The following PCSK6 variants were observed in gnomAD, a reference collection of about 807,000 sequenced individuals.
PCSK6 encodes paired basic amino acid cleaving enzyme 4.
A neutral mutation model predicts 123.3 loss-of-function variants in PCSK6; 85 were observed. That is an observed-to-expected ratio of 0.69 (90% CI 0.58 to 0.83). PCSK6 has a LOEUF of 0.83. PCSK6 is among the 40% of genes least tolerant of loss of function. The probability of loss-of-function intolerance (pLI) is 0.00; values close to 1 mark genes in which losing one functional copy is unlikely to be tolerated. For synonymous variants in PCSK6, 508 were observed against 516.0 expected, an observed-to-expected ratio of 0.98 and a Z score of 0.21; for missense variants, 1,191 against 1,282.3, an observed-to-expected ratio of 0.93 and a Z score of 1.09.
At chr15:101,322,974 C>A (rs2040164109) in intron 17 of PCSK6, among the ~76,000 whole-genome samples, 1 of 152,200 alleles carries the variant, frequency 6.6e-6, no homozygotes, top group Non-Finnish European at 1.5e-5. Context: ...CCTGAGGCTG[C>A]CGCTTGCCCA....
In PCSK6 at chr15:101,304,396, T is replaced by A. The variant is rs970105813; in HGVS notation, c.*862A>T. Reference sequence around the variant, plus strand: ...ATTCCATAAAATGGGAAGTGATGGATGATTAACAATGCATGGCTGGCTTTA... The same window carrying A: ...ATTCCATAAAATGGGAAGTGATGGAAGATTAACAATGCATGGCTGGCTTTA... On this transcript the variant is annotated 3_prime_UTR_variant, in exon 22 of 22. Coordinates refer to ENST00000611716, the MANE Select transcript of PCSK6 (RefSeq NM_002570.5). 2 of 152,276 alleles carry A rather than the reference T, an allele frequency of 1.3e-5. No homozygotes were observed. The highest frequency in any genetic ancestry group is 2.9e-5 in the Non-Finnish European group (2 of 68,030). The allele number at this position is 152,276 out of a possible 1,614,324, so 9.4% of individuals were successfully genotyped here. A position where few individuals can be genotyped will look rare whatever the true frequency, so the allele number is the denominator to read the frequency against.
chr15:101,374,712 T>C (rs2141479843), intron 11 of PCSK6, among the ~76,000 whole-genome samples: 1 of 152,218 alleles, frequency 6.6e-6, no homozygotes, highest in East Asian at 1.9e-4. Context: ...CGGGAGTGAA[T>C]GGAATGGCAA....
chr15:101,350,542 C>G (rs182598312), intron 13 of PCSK6, among the ~76,000 whole-genome samples: 491 of 152,240 alleles, frequency 3.2e-3, no homozygotes, highest in Middle Eastern at 6.8e-3. Context: ...TACTGATTAG[C>G]AAGATTTAGT....
intron 16 of PCSK6, among the ~76,000 whole-genome samples, chr15:101,325,629 G>A (rs1596185120): frequency 2.0e-5 from 3 of 152,310 alleles, no homozygotes; most frequent in East Asian, 1.9e-4. Flanking sequence ...TGGCACATGC[G>A]GGGCATAATG....
intron 5 of PCSK6, among the ~76,000 whole-genome samples, chr15:101,428,276 G>A (rs778669740): frequency 1.4e-4 from 21 of 152,198 alleles, no homozygotes; most frequent in African/African-American, 4.3e-4. Context: ...CCCAGTGCCC[G>A]TGGTCCTATA....
chr15:101,352,460 G>A (rs2040918471), intron 13 of PCSK6, among the ~76,000 whole-genome samples: 1 of 152,144 alleles, frequency 6.6e-6, no homozygotes, highest in Non-Finnish European at 1.5e-5. Context: ...TTTTCTGCCA[G>A]ACAGAAATTT....
intron 13 of PCSK6, among the ~76,000 whole-genome samples, chr15:101,342,344 A>C (rs1054299189): frequency 2.0e-4 from 31 of 152,180 alleles, no homozygotes; most frequent in Admixed American, 1.7e-3. Flanking sequence ...AAGTGTAATA[A>C]ATTAAGGATG....
At chr15:101,379,689 G>A (rs1349091164) in intron 11 of PCSK6, among the ~76,000 whole-genome samples, 9 of 152,210 alleles carry the variant, frequency 5.9e-5, no homozygotes, top group Admixed American at 5.9e-4. Context: ...GCACGGAGAG[G>A]GGGCAGTTAG....
At chr15:101,471,015 A>C (rs1172090158) in intron 1 of PCSK6, among the ~76,000 whole-genome samples, 1 of 152,132 alleles carries the variant, frequency 6.6e-6, no homozygotes, top group African/African-American at 2.4e-5. Context: ...TCTGCGGCTT[A>C]TCTCTCCTCC....
At chr15:101,459,462 T>A (rs1435659107) in intron 1 of PCSK6, among the ~76,000 whole-genome samples, 22 of 145,944 alleles carry the variant, frequency 1.5e-4, no homozygotes, top group African/African-American at 5.4e-4. Context: ...GCTGCCACCA[T>A]TCCCGTCCCC....
chr15:101,459,164 G>A (rs12903584), intron 1 of PCSK6, among the ~76,000 whole-genome samples: 115,024 of 151,942 alleles, frequency 0.76, 44,010 homozygotes, highest in Non-Finnish European at 0.83. Flanking sequence ...CATCTATTTT[G>A]AAGCCAAAAC....
intron 6 of PCSK6, among the ~76,000 whole-genome samples, chr15:101,424,432 A>G (rs568713489): frequency 1.3e-5 from 2 of 152,332 alleles, no homozygotes; most frequent in African/African-American, 4.8e-5. Flanking sequence ...AAGAAAAATG[A>G]AGAGAAGCCA....
intron 1 of PCSK6, among the ~76,000 whole-genome samples, chr15:101,457,189 T>A (rs529024295): frequency 8.6e-5 from 13 of 151,282 alleles, no homozygotes; most frequent in South Asian, 2.1e-4. Flanking sequence ...AATAAATAAA[T>A]AAAAATAAAT....
chr15:101,347,737 G>A, intron 13 of PCSK6: 1 of 1,613,902 alleles, frequency 6.2e-7, no homozygotes, highest in Non-Finnish European at 8.5e-7. Flanking sequence ...CAAAGCTCTT[G>A]TTCAATCTGC....
In PCSK6 at chr15:101,428,010, C is replaced by T. The variant is rs150464711; in HGVS notation, c.735-30G>A. 381 of 1,532,038 alleles carry T rather than the reference C, an allele frequency of 2.5e-4. No homozygotes were observed. In the African/African-American group the frequency reaches 3.6e-3, roughly 15 times the overall value. 94.9% of individuals were successfully genotyped at this position (1,532,038 alleles called of 1,614,324 possible). On this transcript the variant is annotated intron_variant, in intron 5 of 21. Coordinates refer to ENST00000611716, the MANE Select transcript of PCSK6 (RefSeq NM_002570.5). ...AACAAAGGAAAAAACCAAGTGAGGACGCAGCCCAGCAAGTTTCAGTGAATT... is the reference window on the plus strand; with the variant it reads ...AACAAAGGAAAAAACCAAGTGAGGATGCAGCCCAGCAAGTTTCAGTGAATT...
At chr15:101,382,306 GGGA>G in intron 10 of PCSK6, 97 bp from the exon 11 acceptor site, 2 of 939,606 alleles carry the variant, frequency 2.1e-6, no homozygotes, top group Non-Finnish European at 3.2e-6. Flanking sequence ...GGAGGACAGA[GGGA>G]CCGTAAGACT....
rs117010411 is a variant in PCSK6, at chr15:101,369,972, C to A, written c.1721+363G>T. On this transcript the variant is annotated intron_variant, in intron 12 of 21. Coordinates refer to ENST00000611716, the MANE Select transcript of PCSK6 (RefSeq NM_002570.5). ...GTGGTACACATGCTCGATTCAAAAG[C>A]CAACTGAATAGGATTAAATGACCTT... Among the ~76,000 whole-genome samples the A allele has an allele frequency of 4.8e-3, 736 of 152,288 alleles. 3 individuals carry two copies. The highest frequency in any genetic ancestry group is 8.6e-3 in the Non-Finnish European group (582 of 68,028).
chr15:101,429,889 C>T (rs575295018), intron 5 of PCSK6, 98 bp downstream of exon 5: 244 of 1,052,778 alleles, frequency 2.3e-4, no homozygotes, highest in Middle Eastern at 1.1e-3. Context: ...GAAGATACGC[C>T]GGCAGCCACC....
chr15:101,438,061 C>A lies in PCSK6; in HGVS notation c.402+5495G>T, dbSNP rs149817848. On this transcript the variant is annotated intron_variant, in intron 2 of 21. Coordinates refer to ENST00000611716, the MANE Select transcript of PCSK6 (RefSeq NM_002570.5). ...GACAACCACGTGAGGATCAAGAGAC[C>A]TCAGAAGAAACCAACCCTGCCAACG... 1.5e-3 allele frequency among the ~76,000 whole-genome samples: 221 copies of A among 152,248 alleles called. 1 individual carries two copies. Among genetic ancestry groups the A allele is most frequent in the Non-Finnish European group, 2.4e-3 (164 of 68,024 alleles).
Sources: gnomAD v4.1 joint callset for allele counts (sites outside exome capture counted in the v4.1 genomes callset) on GRCh38, gnomAD v4.1.1 for gene constraint, MANE v1.5 for transcripts, NCBI Gene and HGNC (gene_info 2026-07-23, HGNC 2026-07-21) for gene names.